Variants in ZC3H14 observed in about 807,000 individuals in gnomAD.
ZC3H14 encodes the protein zinc finger CCCH domain-containing protein 14.
A neutral mutation model predicts 92.4 loss-of-function variants in ZC3H14; 31 were observed. The ratio of observed to expected loss-of-function variants is 0.34; its 90% CI spans 0.25 to 0.45. The LOEUF (loss-of-function observed/expected upper bound fraction) is 0.45. Ranked by LOEUF, ZC3H14 falls within the 20% of genes least tolerant of loss-of-function variation. ZC3H14 has a pLI of 1.00. For missense variants in ZC3H14, 781 were observed against 897.3 expected (o/e 0.87, Z 1.66); for synonymous variants, 321 against 300.9 (o/e 1.07, Z -0.69).
At chr14:88,577,876 A>G (rs1566914649) in intron 8 of ZC3H14, 109 bp from the exon 9 acceptor site, 2 of 1,441,074 alleles carry the variant, frequency 1.4e-6, no homozygotes, top group East Asian at 4.6e-5. Context: ...GCCTGAACTC[A>G]TATGTCCTAA....
In ZC3H14 at chr14:88,618,848, C is replaced by A; in HGVS notation, c.*7097C>A. ...ACAAAACGTAAAAAGTATTAGACCACATGAAGTATTATAAATACTTAAGAT... is the reference window on the plus strand; with the variant it reads ...ACAAAACGTAAAAAGTATTAGACCAAATGAAGTATTATAAATACTTAAGAT... On this transcript the variant is annotated 3_prime_UTR_variant, in exon 17 of 17. Coordinates refer to ENST00000251038, the MANE Select transcript of ZC3H14 (RefSeq NM_024824.5). 6.5e-7 allele frequency: 1 copy of A among 1,528,476 alleles called. No individual in the cohort carries two copies. Among genetic ancestry groups the A allele is most frequent in the Non-Finnish European group, 8.8e-7 (1 of 1,137,904 alleles). The allele number at this position is 1,528,476 out of a possible 1,614,324, so 94.7% of individuals were successfully genotyped here.
At chr14:88,582,771 C>A (rs1245842977) in intron 9 of ZC3H14, among the ~76,000 whole-genome samples, 2 of 152,140 alleles carry the variant, frequency 1.3e-5, no homozygotes, top group Non-Finnish European at 1.5e-5. Context: ...TAGATATATT[C>A]ACAAGTGTGA....
rs560956397 is a variant in ZC3H14 at position 88,618,875 on chromosome 14, A to G, written c.*7124A>G. On this transcript the variant is annotated 3_prime_UTR_variant, in exon 17 of 17. Transcript: ENST00000251038. ...TGAAGTATTATAAATACTTAAGATC[A>G]GTGACTTTTCCTTTCTAGTTCTTAA... is the stretch of plus-strand genomic sequence containing the variant. 6.8e-7 allele frequency: 1 copy of G among 1,463,906 alleles called. No homozygotes were observed. The highest frequency in any genetic ancestry group is 1.4e-5 in the African/African-American group (1 of 70,326). 90.7% of individuals were successfully genotyped at this position (1,463,906 alleles called of 1,614,324 possible).
intron 3 of ZC3H14, among the ~76,000 whole-genome samples, chr14:88,569,400 T>C (rs1255225316): frequency 1.3e-5 from 2 of 152,206 alleles, no homozygotes; most frequent in African/African-American, 2.4e-5. Context: ...ATAAGTTTTT[T>C]TAAGTTTGGA....
chr14:88,572,536 C>T (rs756837596), intron 5 of ZC3H14, 42 bp from the exon 6 acceptor site: 5 of 1,607,256 alleles, frequency 3.1e-6, no homozygotes, highest in African/African-American at 2.7e-5. Context: ...GTGATAATTG[C>T]CCTAATTTGG....
chr14:88,609,632 CAA>C (rs771442949), intron 14 of ZC3H14, 78 bp from the exon 15 acceptor site: 1 of 1,537,694 alleles, frequency 6.5e-7, no homozygotes, highest in Non-Finnish European at 9.0e-7. Flanking sequence ...TTTTCACTTT[CAA>C]AAAAAACATC....
chr14:88,601,841 T>C (rs2084691564), intron 10 of ZC3H14, 83 bp from the exon 11 acceptor site: 1 of 1,493,562 alleles, frequency 6.7e-7, no homozygotes, highest in East Asian at 2.3e-5. Context: ...ATATAAAAGA[T>C]TGACATTCTT....
At chr14:88,597,214 G>T (rs898869835) in intron 10 of ZC3H14, among the ~76,000 whole-genome samples, 1 of 152,048 alleles carries the variant, frequency 6.6e-6, no homozygotes, top group Non-Finnish European at 1.5e-5. Context: ...TATCACCAGG[G>T]CCACACCTGG....
chr14:88,621,235 T>C lies in ZC3H14; in HGVS notation c.*9484T>C, dbSNP rs1484427460. The C allele has an allele frequency of 6.2e-7, 1 of 1,613,970 alleles. No homozygotes were observed. Among genetic ancestry groups the C allele is most frequent in the Non-Finnish European group, 8.5e-7 (1 of 1,179,872 alleles). On this transcript the variant is annotated 3_prime_UTR_variant, in exon 17 of 17. Transcript: ENST00000251038. ...TCCACATGACCGTTAACTAAAATATTACAAGCTGCATTTTTCTCTCCAACT... is the reference window on the plus strand; with the variant it reads ...TCCACATGACCGTTAACTAAAATATCACAAGCTGCATTTTTCTCTCCAACT...
chr14:88,616,116 C>A lies in ZC3H14; in HGVS notation c.*4365C>A. On this transcript the variant is annotated 3_prime_UTR_variant, in exon 17 of 17. Transcript: ENST00000251038. ...CTCTTAACTAGTAACATAGTCTGCT[C>A]TTCATGGGCTGAGAAAGTTACTAAC... The A allele has an allele frequency of 1.2e-6, 2 of 1,609,530 alleles. No homozygotes were observed. Among genetic ancestry groups the A allele is most frequent in the South Asian group, 2.2e-5 (2 of 90,906 alleles).
Position 88,618,737 on chromosome 14 carries a change from G to T in ZC3H14, c.*6986G>T. The T allele has an allele frequency of 6.2e-7, 1 of 1,607,504 alleles. No homozygotes were observed. Among genetic ancestry groups the T allele is most frequent in the Non-Finnish European group, 8.5e-7 (1 of 1,176,586 alleles). ...AGTAGCTGATTCTGTTAAGAGTGGG[G>T]CCCAGCGTTAGGTCATAAAAATCCA... On this transcript the variant is annotated 3_prime_UTR_variant, in exon 17 of 17. Transcript: ENST00000251038.
chr14:88,563,054 G>C lies in ZC3H14; in HGVS notation c.-80G>C, dbSNP rs1365533250. On this transcript the variant is annotated 5_prime_UTR_variant, in exon 1 of 17. Transcript: ENST00000251038. Reference sequence around the variant, plus strand: ...ACGGAGGAGGAGGCGGTGGTGTCCCGGCTGCGGGGTAGGAGTCCGCGGCAG... The same window carrying C: ...ACGGAGGAGGAGGCGGTGGTGTCCCCGCTGCGGGGTAGGAGTCCGCGGCAG... 6.5e-7 allele frequency: 1 copy of C among 1,529,750 alleles called. No individual in the cohort carries two copies. The highest frequency in any genetic ancestry group is 8.7e-7 in the Non-Finnish European group (1 of 1,143,016). The allele number at this position is 1,529,750 out of a possible 1,614,324, so 94.8% of individuals were successfully genotyped here.
chr14:88,622,530 A>C lies in ZC3H14; in HGVS notation c.*10779A>C, dbSNP rs1473244598. 5.0e-6 allele frequency: 6 copies of C among 1,198,992 alleles called. No individual in the cohort carries two copies. The highest frequency in any genetic ancestry group is 2.6e-5 in the East Asian group (1 of 38,756). 74.3% of individuals were successfully genotyped at this position (1,198,992 alleles called of 1,614,324 possible). ...TATTAAGTATTGTTCATTAGGCTGC[A>C]AAGGGTGAGGGAATCACAGTAATAA... On this transcript the variant is annotated 3_prime_UTR_variant, in exon 17 of 17. Transcript: ENST00000251038.
rs1056979350 is a variant in ZC3H14 at position 88,610,968 on chromosome 14, G to A, written c.2204+28G>A. On this transcript the variant is annotated intron_variant, in intron 16 of 16. Transcript: ENST00000251038. ...AAACATTCAAATTCGTTTTTCTCAT[G>A]TCAGTTCAAATTCTTTTTTCTAATT... The A allele has an allele frequency of 2.1e-5, 33 of 1,556,284 alleles. 1 individual carries two copies. The South Asian group carries it at 3.6e-4, about 17-fold the overall frequency.
rs1567021388 is a variant in ZC3H14, at chr14:88,622,652, A to C, written c.*10901A>C. ...CACAATCTGTGGCTTGTCCTGTCTCAAGCCTGAAGGCACGGCACCGCCTCA... is the reference window on the plus strand; with the variant it reads ...CACAATCTGTGGCTTGTCCTGTCTCCAGCCTGAAGGCACGGCACCGCCTCA... On this transcript the variant is annotated 3_prime_UTR_variant, in exon 17 of 17. Coordinates refer to ENST00000251038, the MANE Select transcript of ZC3H14 (RefSeq NM_024824.5). The C allele has an allele frequency of 1.9e-6, 3 of 1,611,574 alleles. No homozygotes were observed. The highest frequency in any genetic ancestry group is 2.5e-6 in the Non-Finnish European group (3 of 1,178,820).
chr14:88,592,545 G>T (rs980732126), intron 9 of ZC3H14: 3 of 131,416 alleles, frequency 2.3e-5, no homozygotes, highest in African/African-American at 9.0e-5. Flanking sequence ...CTGTCACCCA[G>T]GCTGCAGTGC....
chr14:88,600,723 A>G (rs1158154480), intron 10 of ZC3H14, among the ~76,000 whole-genome samples: 1 of 152,048 alleles, frequency 6.6e-6, no homozygotes, highest in African/African-American at 2.4e-5. Context: ...GAATGTTGGG[A>G]TTACAGACAT....
chr14:88,572,823 G>T lies in ZC3H14; in HGVS notation c.677G>T (p.Gly226Val). Residue 226 changes from glycine (G) to valine (V), a missense_variant, in exon 6 of 17, where the codon GGT becomes GTT. By Grantham distance (109) the Gly-to-Val change is moderately radical. This residue lies in a region of ZC3H14 where 454 missense variants were observed against 438.5 expected (regional missense o/e 1.04). Transcript: ENST00000251038. Reference sequence around the variant, plus strand: ...CCTGCAAGTAGAAATGCAGATAGTGGTGTTCATTTAAACAGGTTGCAATTT... The same window carrying T: ...CCTGCAAGTAGAAATGCAGATAGTGTTGTTCATTTAAACAGGTTGCAATTT... ...RPPASRNADS[G>V]VHLNRLQFQQ... is the part of the protein sequence containing the mutation. 1 of 1,614,192 alleles carries T rather than the reference G, an allele frequency of 6.2e-7. No individual in the cohort carries two copies.
Position 88,575,815 on chromosome 14 carries a change from A to C in ZC3H14, c.1023-25A>C, listed in dbSNP as rs187209182. ...AGGAACTGAAATTTAAAGTTTAATA[A>C]AAATACCTTTCTTAACTCTTTTAGA... On this transcript the variant is annotated intron_variant, in intron 7 of 16. Coordinates refer to ENST00000251038, the MANE Select transcript of ZC3H14 (RefSeq NM_024824.5). The C allele has an allele frequency of 8.8e-6, 14 of 1,592,802 alleles. No individual in the cohort carries two copies. The African/African-American group carries it at 1.9e-4, about 21-fold the overall frequency.
Sources: gnomAD v4.1 joint callset for allele counts (sites outside exome capture counted in the v4.1 genomes callset) on GRCh38, gnomAD v4.1.1 for gene constraint, gnomAD v4.1.1 regional missense constraint, MANE v1.5 for transcripts, NCBI Gene and HGNC (gene_info 2026-07-23, HGNC 2026-07-21) for gene names.